PAX2: variants seen among roughly 807,000 people sequenced by gnomAD.
The protein encoded by PAX2 is paired box 2.
In PAX2, 9 loss-of-function variants were observed where a neutral mutation model predicts 41.7. The ratio of observed to expected loss-of-function variants is 0.22; its 90% CI spans 0.13 to 0.38. The LOEUF (loss-of-function observed/expected upper bound fraction) is 0.38, where lower values mean the gene tolerates loss of function less well. Among genes scored for constraint, PAX2 ranks in the 10% least tolerant of loss-of-function variants. PAX2 has a pLI of 1.00. For synonymous variants in PAX2, 221 were observed against 212.7 expected (o/e 1.04, Z -0.34); for missense variants, 418 against 531.6 (o/e 0.79, Z 2.10).
intron 3 of PAX2, among the ~76,000 whole-genome samples, chr10:100,756,820 G>A (rs1845654131): frequency 6.6e-6 from 1 of 152,134 alleles, no homozygotes; most frequent in South Asian, 2.1e-4. Flanking sequence ...CAAGCCAGGT[G>A]TCCAGAGCTC....
In PAX2 at chr10:100,826,019, G is replaced by C. The variant is rs1275656596; in HGVS notation, c.1022-990G>C. ...GGAAGAGGGGAGCCGCAGAGAGCTC[G>C]TGGTGTCGAGGGGGGAGTCGTTAAA... is the stretch of plus-strand genomic sequence containing the variant. On this transcript the variant is annotated intron_variant, in intron 8 of 9. Transcript: ENST00000355243. The surrounding 1 kb of genome is among the most constrained non-coding windows in gnomAD (Gnocchi z 5.5). Among the ~76,000 whole-genome samples, 1 of 151,962 alleles carries C rather than the reference G, an allele frequency of 6.6e-6. No homozygotes were observed. The highest frequency in any genetic ancestry group is 1.5e-5 in the Non-Finnish European group (1 of 67,982).
At chr10:100,764,213 G>A (rs1331836143) in intron 3 of PAX2, among the ~76,000 whole-genome samples, 5 of 142,988 alleles carry the variant, frequency 3.5e-5, no homozygotes, top group Non-Finnish European at 6.0e-5. Context: ...GCACCATCTC[G>A]GCTCACTGCA....
intron 1 of PAX2, chr10:100,747,157 CT>C (rs1276623290): frequency 1.3e-5 from 2 of 152,276 alleles, no homozygotes; most frequent in African/African-American, 4.8e-5. Flanking sequence ...GAGTGCAGCT[CT>C]GCTCTCAGCT....
At chr10:100,757,132 G>A (rs1186785961) in intron 3 of PAX2, among the ~76,000 whole-genome samples, 1 of 152,234 alleles carries the variant, frequency 6.6e-6, no homozygotes, top group Admixed American at 6.5e-5. Flanking sequence ...CAGTGTAGAA[G>A]TTGATATCTT....
At chr10:100,801,801 T>C (rs1050508665) in intron 5 of PAX2, among the ~76,000 whole-genome samples, 2 of 152,250 alleles carry the variant, frequency 1.3e-5, no homozygotes, top group African/African-American at 4.8e-5. Flanking sequence ...GCACCCAGGC[T>C]GCAGAGTGAA....
upstream of PAX2, among the ~76,000 whole-genome samples, chr10:100,742,191 T>C (rs111812123): frequency 4.2e-3 from 625 of 150,520 alleles, 1 homozygote; most frequent in Non-Finnish European, 6.9e-3. Flanking sequence ...GGAGAAAGGG[T>C]TTCTGGAAGG....
chr10:100,755,753 CAG>C (rs1291109092), intron 3 of PAX2, among the ~76,000 whole-genome samples: 1 of 152,130 alleles, frequency 6.6e-6, no homozygotes, highest in African/African-American at 2.4e-5. Context: ...ACTCTGTAAC[CAG>C]AGCCCTTGTC....
At chr10:100,760,522 G>C (rs56830181) in intron 3 of PAX2, among the ~76,000 whole-genome samples, 13,275 of 152,222 alleles carry the variant, frequency 0.087, 1,728 homozygotes, top group African/African-American at 0.28. Flanking sequence ...TGCTCTGCTG[G>C]ATGAGTGAAC....
Position 100,791,340 on chromosome 10 carries a change from G to T in PAX2, c.616+9975G>T, listed in dbSNP as rs1026554953. Among the ~76,000 whole-genome samples the T allele has an allele frequency of 6.6e-6, 1 of 152,192 alleles. No individual in the cohort carries two copies. Among genetic ancestry groups the T allele is most frequent in the Non-Finnish European group, 1.5e-5 (1 of 68,044 alleles). On this transcript the variant is annotated intron_variant, in intron 5 of 9. Coordinates refer to ENST00000355243, the MANE Select transcript of PAX2 (RefSeq NM_000278.5). This position sits in a 1 kb window ranked among gnomAD's most constrained non-coding sequence, Gnocchi z 4.5. ...TCACCTTTTTCAGGAGGACTGGCTA[G>T]AGTGTGTGTGCATGTGTATGTGTGT... is the stretch of plus-strand genomic sequence containing the variant.
At chr10:100,821,295 G>C (rs1428149093) in intron 7 of PAX2, among the ~76,000 whole-genome samples, 9 of 152,200 alleles carry the variant, frequency 5.9e-5, no homozygotes, top group Admixed American at 5.9e-4. Flanking sequence ...AGAGTGCTTT[G>C]TATGCAGTGG....
chr10:100,827,515 C>G lies in PAX2; in HGVS notation c.1109-28C>G. 1 of 1,609,244 alleles carries G rather than the reference C, an allele frequency of 6.2e-7. No individual in the cohort carries two copies. Among genetic ancestry groups the G allele is most frequent in the Non-Finnish European group, 8.5e-7 (1 of 1,175,542 alleles). On this transcript the variant is annotated intron_variant, in intron 9 of 9. Transcript: ENST00000355243. This position sits in a 1 kb window ranked among gnomAD's most constrained non-coding sequence, Gnocchi z 8.5. ...TTCTCCTGTTTGTCCTCTCACCCAG[C>G]CCATTCTTCTCCTGTGTTAACTTCC...
chr10:100,769,080 C>T (rs1219881705), intron 3 of PAX2, among the ~76,000 whole-genome samples: 1 of 152,206 alleles, frequency 6.6e-6, no homozygotes, highest in African/African-American at 2.4e-5. Context: ...ACTCATTCTA[C>T]TCAATGGTTA....
At chr10:100,762,316 C>T (rs928662602) in intron 3 of PAX2, among the ~76,000 whole-genome samples, 7 of 152,126 alleles carry the variant, frequency 4.6e-5, no homozygotes, top group Non-Finnish European at 7.3e-5. Flanking sequence ...GCTCTTCCTG[C>T]CAGTTCCAAG....
At chr10:100,754,024 G>C (rs532732057) in intron 3 of PAX2, among the ~76,000 whole-genome samples, 16 of 152,316 alleles carry the variant, frequency 1.1e-4, no homozygotes, top group Admixed American at 8.5e-4. Context: ...GCATGGAGTT[G>C]CCAGCTTTTT....
At chr10:100,825,719 T>C (rs1848528748) in intron 8 of PAX2, among the ~76,000 whole-genome samples, 3 of 152,154 alleles carry the variant, frequency 2.0e-5, no homozygotes, top group East Asian at 1.9e-4. Flanking sequence ...GACATTTAGG[T>C]ATAACCCTGG....
upstream of PAX2, among the ~76,000 whole-genome samples, chr10:100,745,276 T>C (rs940695052): frequency 4.6e-5 from 7 of 152,170 alleles, no homozygotes; most frequent in East Asian, 1.9e-4. Context: ...TCAGTGTAGT[T>C]TTAATCCCGG....
At chr10:100,779,396 C>A in intron 3 of PAX2, 102 bp from the exon 4 acceptor site, 1 of 968,474 alleles carries the variant, frequency 1.0e-6, no homozygotes, top group Non-Finnish European at 1.6e-6. Context: ...ATGAGGAAAT[C>A]GCTGAGGAAC....
intron 3 of PAX2, among the ~76,000 whole-genome samples, chr10:100,771,057 T>G (rs1846193531): frequency 6.6e-6 from 1 of 152,212 alleles, no homozygotes; most frequent in Admixed American, 6.5e-5. Context: ...TGATTTGCAT[T>G]TTAGCAAGCA....
At chr10:100,792,163 G>A (rs997609572) in intron 5 of PAX2, among the ~76,000 whole-genome samples, 1 of 152,254 alleles carries the variant, frequency 6.6e-6, no homozygotes, top group African/African-American at 2.4e-5. Context: ...AAGGAAATAA[G>A]TGGTTGACAA....
Sources: allele counts gnomAD v4.1 joint callset (sites outside exome capture counted in the v4.1 genomes callset), GRCh38; gene constraint gnomAD v4.1.1; non-coding constraint Gnocchi (gnomAD v3.1); transcripts MANE v1.5; gene names NCBI Gene and HGNC (gene_info 2026-07-23, HGNC 2026-07-21).